GRID2: variants seen among roughly 807,000 people sequenced by gnomAD.
GRID2 encodes glutamate receptor ionotropic, delta-2.
GRID2 carries 33 observed loss-of-function variants against 114.8 expected under a neutral mutation model. The observed-to-expected ratio is 0.29, with a 90% CI of 0.22 to 0.38. The LOEUF is 0.38. Ranked by LOEUF, GRID2 falls within the 10% of genes least tolerant of loss-of-function variation. The pLI is 1.00. For missense variants in GRID2, 1,184 were observed against 1,257.7 expected (o/e 0.94, Z 0.89); for synonymous variants, 505 against 449.9 (o/e 1.12, Z -1.55).
rs1560941887 is a variant in GRID2 at position 93,163,392 on chromosome 4, A to ATG, written c.736-44011_736-44010insGT. Among the ~76,000 whole-genome samples, 73 of 46,470 alleles carry ATG rather than the reference A, an allele frequency of 1.6e-3. 1 individual carries two copies. The highest frequency in any genetic ancestry group is 5.3e-3 in the African/African-American group (68 of 12,890). 30.5% of individuals were successfully genotyped at this position (46,470 alleles called of 152,430 possible). A position where few individuals can be genotyped will look rare whatever the true frequency, so the allele number is the denominator to read the frequency against. ...TATATATATATATATATATATATAT[A>ATG]TATATATACACTATATATATACATA... On this transcript the variant is annotated intron_variant, in intron 4 of 15. Transcript: ENST00000282020.
rs141328213 is a variant in GRID2, at chr4:92,346,835, A to G, written c.88+42091A>G. On this transcript the variant is annotated intron_variant, in intron 1 of 15. Coordinates refer to ENST00000282020, the MANE Select transcript of GRID2 (RefSeq NM_001510.4). Reference sequence around the variant, plus strand: ...TTCATGATAAGTTAAAGGAGTTTCCATCTTTTAGTTTAATGATTTAAAGAT... The same window carrying G: ...TTCATGATAAGTTAAAGGAGTTTCCGTCTTTTAGTTTAATGATTTAAAGAT... Among the ~76,000 whole-genome samples the G allele has an allele frequency of 2.3e-4, 35 of 152,308 alleles. 1 individual carries two copies. Among genetic ancestry groups the G allele is most frequent in the African/African-American group, 7.9e-4 (33 of 41,578 alleles).
intron 1 of GRID2, among the ~76,000 whole-genome samples, chr4:92,343,189 C>T (rs537042030): frequency 1.3e-5 from 2 of 151,488 alleles, no homozygotes; most frequent in South Asian, 4.2e-4. Flanking sequence ...TGTAAAACTT[C>T]GATTTTCTTC....
intron 2 of GRID2, among the ~76,000 whole-genome samples, chr4:92,740,106 AT>A (rs1177798476): frequency 6.6e-6 from 1 of 152,028 alleles, no homozygotes; most frequent in East Asian, 1.9e-4. Flanking sequence ...TTCCTTTGAG[AT>A]TTTCTTTTCT....
chr4:93,378,275 A>C (rs1438821130), intron 8 of GRID2, among the ~76,000 whole-genome samples: 1 of 152,156 alleles, frequency 6.6e-6, no homozygotes, highest in Non-Finnish European at 1.5e-5. Flanking sequence ...ATGAATCCCC[A>C]AAATGGTTTC....
rs553184048 is a variant in GRID2, at chr4:92,358,072, G to A, written c.88+53328G>A. On this transcript the variant is annotated intron_variant, in intron 1 of 15. Transcript: ENST00000282020. ...CAGACAGGACTTAAAGTGTGAGAAG[G>A]GATTTAATGAGGAGAAAAGAAGAAA... Among the ~76,000 whole-genome samples the A allele has an allele frequency of 2.4e-4, 36 of 151,962 alleles. No homozygotes were observed. The South Asian group carries it at 6.0e-3, about 25-fold the overall frequency.
At chr4:92,518,958 G>A (rs2149137944) in intron 1 of GRID2, among the ~76,000 whole-genome samples, 1 of 151,880 alleles carries the variant, frequency 6.6e-6, no homozygotes, top group East Asian at 2.0e-4. Context: ...TAATCCATAT[G>A]AAATGGTTGA....
At chr4:93,487,349 A>G (rs1220709633) in intron 11 of GRID2, among the ~76,000 whole-genome samples, 1 of 151,626 alleles carries the variant, frequency 6.6e-6, no homozygotes, top group Non-Finnish European at 1.5e-5. Flanking sequence ...GATTTTTTTC[A>G]ACTTCTTTAA....
chr4:92,639,294 T>A (rs1731230648), intron 2 of GRID2, among the ~76,000 whole-genome samples: 1 of 151,862 alleles, frequency 6.6e-6, no homozygotes, highest in Non-Finnish European at 1.5e-5. Context: ...TTATCTTATA[T>A]ATAGATCTTA....
intron 2 of GRID2, among the ~76,000 whole-genome samples, chr4:92,763,081 C>CT (rs1311523575): frequency 4.6e-5 from 7 of 152,078 alleles, no homozygotes; most frequent in Non-Finnish European, 4.4e-5. Context: ...ACTGCCAAGA[C>CT]TTTTTTTTAC....
intron 14 of GRID2, among the ~76,000 whole-genome samples, chr4:93,687,131 A>C (rs1171625365): frequency 1.3e-5 from 2 of 152,008 alleles, no homozygotes; most frequent in African/African-American, 4.8e-5. Flanking sequence ...TTGATAGCTG[A>C]TGGATTGGAA....
chr4:92,947,397 G>A (rs535119412), intron 2 of GRID2, among the ~76,000 whole-genome samples: 44 of 151,994 alleles, frequency 2.9e-4, no homozygotes, highest in Admixed American at 2.3e-3. Flanking sequence ...CAATCACAAA[G>A]TATGTATCAT....
At chr4:92,440,889 T>C (rs1049572486) in intron 1 of GRID2, among the ~76,000 whole-genome samples, 4 of 152,152 alleles carry the variant, frequency 2.6e-5, no homozygotes, top group South Asian at 4.2e-4. Flanking sequence ...GGAGACTCAA[T>C]AAAGAGTGAG....
chr4:93,323,060 T>A lies in GRID2; in HGVS notation c.1246-72547T>A, dbSNP rs569606123. Among the ~76,000 whole-genome samples, 75 of 152,150 alleles carry A rather than the reference T, an allele frequency of 4.9e-4. 1 individual carries two copies. In the East Asian group the frequency reaches 9.7e-3, roughly 20 times the overall value. Reference sequence around the variant, plus strand: ...GAGCTCTTTAGTTTAATTAGATCACTTTTGTCAATTTTGGCTTTTGTTGCC... The same window carrying A: ...GAGCTCTTTAGTTTAATTAGATCACATTTGTCAATTTTGGCTTTTGTTGCC... On this transcript the variant is annotated intron_variant, in intron 8 of 15. Coordinates refer to ENST00000282020, the MANE Select transcript of GRID2 (RefSeq NM_001510.4).
In GRID2 at chr4:93,561,818, TATGCATCTA is replaced by T. The variant is rs1734953336; in HGVS notation, c.2193+46409_2193+46417del. 3.3e-5 allele frequency among the ~76,000 whole-genome samples: 5 copies of T among 152,278 alleles called. No homozygotes were observed. In the South Asian group the frequency reaches 1.0e-3, roughly 32 times the overall value. ...GGGATTGGCTTCTTTCACTTAGTAA[TATGCATCTA>T]AGTTTCCTCCATGTCTTTTCATAAC... On this transcript the variant is annotated intron_variant, in intron 13 of 15. Coordinates refer to ENST00000282020, the MANE Select transcript of GRID2 (RefSeq NM_001510.4).
intron 2 of GRID2, among the ~76,000 whole-genome samples, chr4:92,972,511 T>C (rs1363673447): frequency 6.6e-6 from 1 of 152,152 alleles, no homozygotes; most frequent in African/African-American, 2.4e-5. Flanking sequence ...TATATGTCTG[T>C]ATCCAATATA....
chr4:93,810,252 AAGC>A (rs1735107139), downstream of GRID2: 1 of 152,174 alleles, frequency 6.6e-6, no homozygotes, highest in Non-Finnish European at 1.5e-5. Flanking sequence ...AGCCAGCCCC[AAGC>A]AGAAAACTCT....
intron 2 of GRID2, among the ~76,000 whole-genome samples, chr4:92,712,864 T>A (rs2149310970): frequency 6.6e-6 from 1 of 152,282 alleles, no homozygotes; most frequent in African/African-American, 2.4e-5. Context: ...AAATAAATGT[T>A]AATATTTGAG....
chr4:92,341,444 A>G (rs1188747674), intron 1 of GRID2, among the ~76,000 whole-genome samples: 2 of 152,126 alleles, frequency 1.3e-5, no homozygotes, highest in Non-Finnish European at 2.9e-5. Context: ...ATTTCACTGA[A>G]AAATGATGCC....
chr4:93,806,007 G>A (rs1182635198), intron 1 of GRID2, among the ~76,000 whole-genome samples: 1 of 152,106 alleles, frequency 6.6e-6, no homozygotes, highest in Non-Finnish European at 1.5e-5. Flanking sequence ...TGAGACATAA[G>A]AATTGCTTGA....
Sources: allele counts gnomAD v4.1 joint callset (sites outside exome capture counted in the v4.1 genomes callset), GRCh38; gene constraint gnomAD v4.1.1; transcripts MANE v1.5; gene names NCBI Gene and HGNC (gene_info 2026-07-23, HGNC 2026-07-21).